ERP29: variants seen among roughly 807,000 people sequenced by gnomAD.
ERP29 encodes the protein endoplasmic reticulum resident protein 29.
Under a neutral mutation model 21.7 loss-of-function variants are expected in ERP29, and 14 were observed. The observed-to-expected ratio is 0.64, with a 90% confidence interval of 0.43 to 1.01. ERP29 has a LOEUF of 1.01. Among genes scored for constraint, ERP29 ranks in the 50% least tolerant of loss-of-function variants. The pLI is 0.00. For synonymous variants in ERP29, 129 were observed against 139.1 expected (o/e 0.93, Z 0.51); for missense variants, 286 against 327.3 (o/e 0.87, Z 0.97).
At chr12:112,021,579 G>A (rs190551179) in intron 2 of ERP29, among the ~76,000 whole-genome samples, 45 of 140,356 alleles carry the variant, frequency 3.2e-4, no homozygotes, top group Non-Finnish European at 3.6e-4. Flanking sequence ...GCTGGAGTGC[G>A]GTGGTGGGAT....
chr12:112,021,513 G>A (rs1168359597), intron 2 of ERP29, among the ~76,000 whole-genome samples: 1 of 100,640 alleles, frequency 9.9e-6, no homozygotes, highest in African/African-American at 5.6e-5. Flanking sequence ...GAGCTTAATA[G>A]TCTTTTTTTT....
chr12:112,019,485 T>C, intron 1 of ERP29: 1 of 468,228 alleles, frequency 2.1e-6, no homozygotes, highest in Non-Finnish European at 3.9e-6. Context: ...GGAGAAGGCC[T>C]TAGTATGTCT....
intron 2 of ERP29, among the ~76,000 whole-genome samples, chr12:112,020,478 G>GA (rs1170191848): frequency 4.4e-4 from 65 of 148,286 alleles, no homozygotes; most frequent in Non-Finnish European, 8.0e-4. Context: ...TATACTTCAG[G>GA]AAAAAAAAAA....
chr12:112,021,512 A>G (rs2078044995), intron 2 of ERP29, among the ~76,000 whole-genome samples: 1 of 111,804 alleles, frequency 8.9e-6, no homozygotes, highest in African/African-American at 4.3e-5. Flanking sequence ...TGAGCTTAAT[A>G]GTCTTTTTTT....
chr12:112,018,285 G>A (rs1320643376), intron 1 of ERP29, among the ~76,000 whole-genome samples: 1 of 151,910 alleles, frequency 6.6e-6, no homozygotes, highest in Non-Finnish European at 1.5e-5. Context: ...GTTTAGCTGG[G>A]AATACAGGTG....
rs777167354 is a variant in ERP29 at position 112,022,206 on chromosome 12, A to G, written c.340A>G (p.Ser114Gly). The change falls in exon 3 of 3, where the codon AGC (serine) becomes GGC (glycine). Residue 114 changes from serine (S) to glycine (G), a missense_variant. Ser to Gly is a moderately conservative substitution (Grantham distance 56, BLOSUM62 0). Transcript: ENST00000261735. The stretch of plus-strand genomic sequence containing the variant: ...TGAGAAATACAAGCTGGACAAAGAG[A>G]GCTACCCAGTCTTCTACCTCTTCCG... ...LSEKYKLDKE[S>G]YPVFYLFRDG... 9 of 1,614,150 alleles carry G rather than the reference A, an allele frequency of 5.6e-6. No individual in the cohort carries two copies. The South Asian group carries it at 9.9e-5, about 18-fold the overall frequency.
chr12:112,017,703 T>A (rs1253004964), intron 1 of ERP29, among the ~76,000 whole-genome samples: 2 of 152,170 alleles, frequency 1.3e-5, no homozygotes, highest in African/African-American at 4.8e-5. Flanking sequence ...CTAAACAGTG[T>A]TAAATATTTT....
In ERP29 at chr12:112,019,873, G is replaced by A. The variant is rs772780822; in HGVS notation, c.262G>A (p.Val88Met). ...CTCGGCTTCCAGCGATGATCTCTTG[G>A]TGGCAGAGGTGGGGATCTCAGGTAT... Reference protein sequence around the residue: ...ENSASSDDLLVAEVGISDYGD... With the variant: ...ENSASSDDLLMAEVGISDYGD... The change falls in exon 2 of 3, where the codon GTG becomes ATG. Residue 88 changes from valine (V) to methionine (M), a missense_variant. Val to Met is a conservative substitution (Grantham distance 21). Transcript: ENST00000261735. 6.2e-7 allele frequency: 1 copy of A among 1,614,142 alleles called. No homozygotes were observed.
intron 2 of ERP29, among the ~76,000 whole-genome samples, chr12:112,021,642 G>A (rs1178142679): frequency 6.9e-6 from 1 of 145,652 alleles, no homozygotes; most frequent in Non-Finnish European, 1.5e-5. Context: ...TTCTGCCTCA[G>A]CCTCTTGAGT....
In ERP29 at chr12:112,013,486, C is replaced by T. The variant is rs372260037; in HGVS notation, c.21C>T (p.Arg7=). 3 of 1,612,800 alleles carry T rather than the reference C, an allele frequency of 1.9e-6. No homozygotes were observed. The highest frequency in any genetic ancestry group is 1.7e-6 in the Non-Finnish European group (2 of 1,179,418). Reference sequence around the variant, plus strand: ...GCGATATGGCTGCCGCTGTGCCCCGCGCCGCATTTCTCTCCCCGCTGCTTC... The same window carrying T: ...GCGATATGGCTGCCGCTGTGCCCCGTGCCGCATTTCTCTCCCCGCTGCTTC... MAAAVP[R]AAFLSPLLPL... Residue 7 remains arginine (R), a synonymous_variant, in exon 1 of 3, where the codon CGC becomes CGT. Coordinates refer to ENST00000261735, the MANE Select transcript of ERP29 (RefSeq NM_006817.4).
intron 1 of ERP29, among the ~76,000 whole-genome samples, chr12:112,018,173 T>G (rs1317144905): frequency 6.6e-6 from 1 of 151,842 alleles, no homozygotes; most frequent in Non-Finnish European, 1.5e-5. Flanking sequence ...AGAGATGGGG[T>G]CTCACTCTGT....
chr12:112,017,449 A>G (rs2136777563), intron 1 of ERP29, among the ~76,000 whole-genome samples: 1 of 152,330 alleles, frequency 6.6e-6, no homozygotes, highest in Non-Finnish European at 1.5e-5. Context: ...CTGAGCCTTG[A>G]ACGATAAAGA....
chr12:112,022,301 G>A lies in ERP29; in HGVS notation c.435G>A (p.Leu145=), dbSNP rs2078053066. 6.2e-7 allele frequency: 1 copy of A among 1,612,936 alleles called. No homozygotes were observed. The highest frequency in any genetic ancestry group is 1.1e-5 in the South Asian group (1 of 90,982). ...AVKVGAIQRW[L]KGQGVYLGMP... ...AGGTTGGAGCCATCCAGCGCTGGCT[G>A]AAGGGGCAAGGGGTCTACCTAGGTA... is the stretch of plus-strand genomic sequence containing the variant. The change falls in exon 3 of 3, where the codon CTG becomes CTA. Residue 145 remains leucine (L), a synonymous_variant. Transcript: ENST00000261735.
chr12:112,017,600 T>C (rs756510175), intron 1 of ERP29, among the ~76,000 whole-genome samples: 2 of 152,184 alleles, frequency 1.3e-5, no homozygotes, highest in Non-Finnish European at 2.9e-5. Context: ...ATTTGTATTT[T>C]AAGTCTTTCC....
In ERP29 at chr12:112,022,463, C is replaced by T. The variant is rs775633224; in HGVS notation, c.597C>T (p.Ala199=). 1.9e-5 allele frequency: 30 copies of T among 1,613,928 alleles called. No homozygotes were observed. The highest frequency in any genetic ancestry group is 3.3e-5 in the Admixed American group (2 of 60,002). ...TGAAGGAGACTCAGAAGAAGTGGGC[C>T]GAGCAATACCTGAAGATCATGGGGA... is the stretch of plus-strand genomic sequence containing the variant. ...SSVKETQKKW[A]EQYLKIMGKI... Residue 199 remains alanine (A), a synonymous_variant, in exon 3 of 3, where the codon GCC becomes GCT. Coordinates refer to ENST00000261735, the MANE Select transcript of ERP29 (RefSeq NM_006817.4).
At chr12:112,021,904 T>A (rs560488497) in intron 2 of ERP29, among the ~76,000 whole-genome samples, 105 of 152,256 alleles carry the variant, frequency 6.9e-4, no homozygotes, top group African/African-American at 2.4e-3. Context: ...ATAATAAATA[T>A]TCAGAAGAAT....
chr12:112,019,904 A>T lies in ERP29; in HGVS notation c.283+10A>T. On this transcript the variant is annotated intron_variant, in intron 2 of 2. Coordinates refer to ENST00000261735, the MANE Select transcript of ERP29 (RefSeq NM_006817.4). ...GAGGTGGGGATCTCAGGTATGGACA[A>T]GTCCAGGACGGCTGGGGGGGCAGAG... 1 of 1,613,674 alleles carries T rather than the reference A, an allele frequency of 6.2e-7. No individual in the cohort carries two copies. Among genetic ancestry groups the T allele is most frequent in the South Asian group, 1.1e-5 (1 of 91,072 alleles).
In ERP29 at chr12:112,022,895, A is replaced by G. The variant is rs773459706; in HGVS notation, c.*243A>G. The G allele has an allele frequency of 1.1e-4, 59 of 544,404 alleles. 1 individual carries two copies. The highest frequency in any genetic ancestry group is 1.9e-4 in the Non-Finnish European group (57 of 304,882). The allele number at this position is 544,404 out of a possible 1,614,324, so 33.7% of individuals were successfully genotyped here. A position where few individuals can be genotyped will look rare whatever the true frequency, so the allele number is the denominator to read the frequency against. ...CTGGTGAAATGACACCTCAGAAGGA[A>G]TGAGTGCTATAGAGAGGAGAGAGGA... On this transcript the variant is annotated 3_prime_UTR_variant, in exon 3 of 3. Transcript: ENST00000261735.
rs751094952 is a variant in ERP29 at position 112,013,433 on chromosome 12, C to T, written c.-33C>T. On this transcript the variant is annotated 5_prime_UTR_variant, in exon 1 of 3. Transcript: ENST00000261735. ...TGACTCGGGGCGTTCTCCACTATCG[C>T]TTACCTACCTCCCTCTGCAGGAACC... 7 of 1,591,332 alleles carry T rather than the reference C, an allele frequency of 4.4e-6. No individual in the cohort carries two copies. In the Admixed American group the frequency reaches 1.1e-4, roughly 24 times the overall value.
Sources: allele counts gnomAD v4.1 joint callset (sites outside exome capture counted in the v4.1 genomes callset), GRCh38; gene constraint gnomAD v4.1.1; transcripts MANE v1.5; gene names NCBI Gene and HGNC (gene_info 2026-07-23, HGNC 2026-07-21).